MALRD1: variants seen among roughly 807,000 people sequenced by gnomAD.
MALRD1 encodes the protein MAM and LDL receptor class A domain containing 1, also known as MAM and LDL-receptor class A domain-containing protein 1.
Under a neutral mutation model 242.1 loss-of-function variants are expected in MALRD1, and 247 were observed. The ratio of observed to expected loss-of-function variants is 1.02; its 90% CI spans 0.92 to 1.13. The LOEUF is 1.13. Ranked by LOEUF, MALRD1 falls within the 50% of genes most tolerant of loss-of-function variation. MALRD1 has a pLI of 0.00. For missense variants in MALRD1, 2,989 were observed against 2,533.1 expected, an observed-to-expected ratio of 1.18 and a Z score of -3.86; for synonymous variants, 995 against 866.6, an observed-to-expected ratio of 1.15 and a Z score of -2.60.
At chr10:19,150,073 T>A (rs1213171401) in intron 11 of MALRD1, among the ~76,000 whole-genome samples, 2 of 152,256 alleles carry the variant, frequency 1.3e-5, no homozygotes, top group Admixed American at 6.5e-5. Context: ...CCACACTTCA[T>A]TTATCCACTA....
chr10:19,659,628 C>G (rs1324026841), intron 36 of MALRD1, among the ~76,000 whole-genome samples: 2 of 152,126 alleles, frequency 1.3e-5, no homozygotes, highest in African/African-American at 2.4e-5. Flanking sequence ...AACGCATTGT[C>G]TGGATCTTCA....
chr10:19,414,245 G>T (rs1403658283), intron 28 of MALRD1, among the ~76,000 whole-genome samples: 1 of 152,020 alleles, frequency 6.6e-6, no homozygotes. Flanking sequence ...CACTAGAGGG[G>T]GGACAAGAAG....
rs1839222210 is a variant in MALRD1 at position 19,617,653 on chromosome 10, C to G, written c.6137+1730C>G. On this transcript the variant is annotated intron_variant, in intron 36 of 39. Coordinates refer to ENST00000454679, the MANE Select transcript of MALRD1 (RefSeq NM_001142308.3). ...AAAGTAGAACTCTTGACACTCAAAT[C>G]CTACACTGTAGTAGTAAGGTTTGTA... Among the ~76,000 whole-genome samples, 5 of 151,986 alleles carry G rather than the reference C, an allele frequency of 3.3e-5. No homozygotes were observed. In the South Asian group the frequency reaches 1.0e-3, roughly 32 times the overall value.
intron 36 of MALRD1, among the ~76,000 whole-genome samples, chr10:19,649,822 T>A (rs1374788549): frequency 6.6e-6 from 1 of 152,204 alleles, no homozygotes; most frequent in East Asian, 1.9e-4. Context: ...CAGGATGGTA[T>A]TGCCTAGCTT....
At chr10:19,701,780 TC>T (rs1015928300) in intron 38 of MALRD1, among the ~76,000 whole-genome samples, 3 of 125,884 alleles carry the variant, frequency 2.4e-5, no homozygotes, top group South Asian at 3.0e-4. Flanking sequence ...TTCTTCTCCC[TC>T]CCCCTTTTCC....
At chr10:19,641,279 T>C (rs74119721) in intron 36 of MALRD1, among the ~76,000 whole-genome samples, 2,160 of 152,244 alleles carry the variant, frequency 0.014, 37 homozygotes, top group African/African-American at 0.049. Context: ...GAAGATATTA[T>C]AGATAAACTG....
At chr10:19,249,150 T>A (rs1014871813) in intron 18 of MALRD1, among the ~76,000 whole-genome samples, 1 of 151,500 alleles carries the variant, frequency 6.6e-6, no homozygotes, top group Non-Finnish European at 1.5e-5. Flanking sequence ...GAAATTGATA[T>A]TACTCCAGAT....
Position 19,094,214 on chromosome 10 carries a change from T to C in MALRD1, c.597+6029T>C, listed in dbSNP as rs1419591221. On this transcript the variant is annotated intron_variant, in intron 4 of 39. Coordinates refer to ENST00000454679, the MANE Select transcript of MALRD1 (RefSeq NM_001142308.3). The stretch of plus-strand genomic sequence containing the variant: ...GCCTCGTTGCTGCCTTTCAGTTTGA[T>C]CTCAGACTGCTGTGCTAGCAATCAG... Among the ~76,000 whole-genome samples the C allele has an allele frequency of 5.9e-5, 6 of 102,378 alleles. 1 individual carries two copies. Among genetic ancestry groups the C allele is most frequent in the Admixed American group, 3.1e-4 (3 of 9,536 alleles). The allele number at this position is 102,378 out of a possible 152,430, so 67.2% of individuals were successfully genotyped here.
At chr10:19,109,617 A>G (rs1678603737) in intron 5 of MALRD1, among the ~76,000 whole-genome samples, 1 of 152,226 alleles carries the variant, frequency 6.6e-6, no homozygotes, top group Non-Finnish European at 1.5e-5. Context: ...AGAAGTAGAT[A>G]GCTATAGCTT....
At chr10:19,587,350 C>G (rs1341062698) in intron 33 of MALRD1, among the ~76,000 whole-genome samples, 2 of 152,228 alleles carry the variant, frequency 1.3e-5, no homozygotes, top group Non-Finnish European at 2.9e-5. Context: ...AGCATTTTTA[C>G]TGTCTATATC....
intron 31 of MALRD1, among the ~76,000 whole-genome samples, chr10:19,519,969 A>T (rs2131313970): frequency 6.6e-6 from 1 of 152,312 alleles, no homozygotes; most frequent in Middle Eastern, 3.4e-3. Flanking sequence ...TGTTATGTCC[A>T]CCTAAATAGA....
intron 21 of MALRD1, among the ~76,000 whole-genome samples, chr10:19,301,085 AT>A (rs1475753126): frequency 2.0e-5 from 3 of 152,026 alleles, no homozygotes; most frequent in African/African-American, 7.2e-5. Context: ...AGTTACACAT[AT>A]AGGAGCCCAA....
intron 5 of MALRD1, among the ~76,000 whole-genome samples, chr10:19,104,801 A>C (rs1451622618): frequency 6.6e-6 from 1 of 152,104 alleles, no homozygotes; most frequent in African/African-American, 2.4e-5. Flanking sequence ...GTGGTAAATG[A>C]TATTTCAAGA....
chr10:19,299,854 G>T (rs1841868104), intron 21 of MALRD1, among the ~76,000 whole-genome samples: 1 of 151,828 alleles, frequency 6.6e-6, no homozygotes, highest in Non-Finnish European at 1.5e-5. Context: ...ACATAGCTCT[G>T]GAGCCTTAGC....
chr10:19,413,114 A>T (rs1833346902), intron 28 of MALRD1, among the ~76,000 whole-genome samples: 1 of 152,162 alleles, frequency 6.6e-6, no homozygotes, highest in Non-Finnish European at 1.5e-5. Context: ...ACATGATGTA[A>T]CCCAGTTCTC....
intron 23 of MALRD1, among the ~76,000 whole-genome samples, chr10:19,330,643 T>C (rs1217632437): frequency 1.3e-5 from 2 of 152,192 alleles, no homozygotes; most frequent in Non-Finnish European, 2.9e-5. Context: ...ACAACATTCA[T>C]TTTTATTCCA....
chr10:19,139,714 C>A (rs12775323), intron 10 of MALRD1, among the ~76,000 whole-genome samples: 1 of 151,920 alleles, frequency 6.6e-6, no homozygotes, highest in African/African-American at 2.4e-5. Context: ...TTAATAAAAA[C>A]GGCCTGTGGG....
At chr10:19,225,063 C>G (rs895177736) in intron 18 of MALRD1, among the ~76,000 whole-genome samples, 15 of 152,104 alleles carry the variant, frequency 9.9e-5, no homozygotes, top group Non-Finnish European at 1.9e-4. Flanking sequence ...TATGGCTAGC[C>G]AGTTTTCCCA....
At chr10:19,078,224 A>G (rs918010009) in intron 2 of MALRD1, among the ~76,000 whole-genome samples, 1 of 151,904 alleles carries the variant, frequency 6.6e-6, no homozygotes, top group African/African-American at 2.4e-5. Context: ...ATATGTATAC[A>G]TGTGCCATGT....
Sources: allele counts gnomAD v4.1 joint callset (sites outside exome capture counted in the v4.1 genomes callset), GRCh38; gene constraint gnomAD v4.1.1; transcripts MANE v1.5; gene names NCBI Gene and HGNC (gene_info 2026-07-23, HGNC 2026-07-21).